The following BPIFB2 variants were observed in gnomAD, a reference collection of about 807,000 sequenced individuals.
BPIFB2 encodes the protein BPI fold containing family B member 2, also known as BPI fold-containing family B member 2.
BPIFB2 carries 39 observed loss-of-function variants against 50.1 expected under a neutral mutation model. The ratio of observed to expected loss-of-function variants is 0.78; its 90% confidence interval spans 0.60 to 1.02. The LOEUF is 1.02. Ranked by LOEUF, BPIFB2 falls within the 50% of genes least tolerant of loss-of-function variation. The pLI is 0.00. For synonymous variants in BPIFB2, 280 were observed against 256.3 expected (o/e 1.09, Z -0.88); for missense variants, 574 against 585.8 (o/e 0.98, Z 0.21).
At chr20:33,019,821 C>G in intron 11 of BPIFB2, 71 bp downstream of exon 11, 2 of 1,449,434 alleles carry the variant, frequency 1.4e-6, no homozygotes, top group Middle Eastern at 1.8e-4. Context: ...TCACTGTCCC[C>G]TCATCTTTGC....
At chr20:33,013,697 G>A in intron 4 of BPIFB2, 113 bp from the exon 5 acceptor site, 2 of 1,455,104 alleles carry the variant, frequency 1.4e-6, no homozygotes, top group African/African-American at 1.4e-5. Flanking sequence ...TGGGGGGCCT[G>A]CCTGGGCCAA....
chr20:33,021,540 C>T (rs945298508), intron 14 of BPIFB2, among the ~76,000 whole-genome samples, 183 bp from the exon 15 acceptor site: 11 of 152,230 alleles, frequency 7.2e-5, no homozygotes, highest in African/African-American at 2.7e-4. Flanking sequence ...CACCAAGCAG[C>T]TGTGTGATCT....
intron 4 of BPIFB2, among the ~76,000 whole-genome samples, chr20:33,013,355 G>C (rs1237413502): frequency 6.6e-6 from 1 of 152,198 alleles, no homozygotes; most frequent in Non-Finnish European, 1.5e-5. Context: ...GAGCTGTGCA[G>C]TCAGAGGGGT....
rs374709566 is a variant in BPIFB2 at position 33,008,632 on chromosome 20, G to A, written c.58G>A (p.Ala20Thr). The change falls in exon 2 of 16, where the codon GCC (alanine) becomes ACC (threonine). Residue 20 changes from alanine to threonine, a missense_variant. Physicochemically the swap from Ala to Thr is moderately conservative, Grantham distance 58. Coordinates refer to ENST00000170150, the MANE Select transcript of BPIFB2 (RefSeq NM_025227.3). ...GGCACTGCTGCTGCCCGTGGTCGGT[G>A]CCTCCACGCCAGGCACCGTGGTCCG... ...LLALLLPVVG[A>T]STPGTVVRLN... is the part of the protein sequence containing the mutation. 9 of 1,607,704 alleles carry A rather than the reference G, an allele frequency of 5.6e-6. No homozygotes were observed. Among genetic ancestry groups the A allele is most frequent in the Non-Finnish European group, 7.6e-6 (9 of 1,177,278 alleles).
At chr20:33,021,452 GA>G in intron 14 of BPIFB2, 108 bp downstream of exon 14, 1 of 1,289,910 alleles carries the variant, frequency 7.8e-7, no homozygotes, top group Non-Finnish European at 1.1e-6. Flanking sequence ...CTCACAGGGT[GA>G]GAGGGGGCCT....
chr20:33,023,644 T>A lies in BPIFB2; in HGVS notation c.*261T>A. The A allele has an allele frequency of 3.5e-6, 2 of 577,334 alleles. No individual in the cohort carries two copies. Among genetic ancestry groups the A allele is most frequent in the East Asian group, 2.9e-5 (1 of 34,008 alleles). 35.8% of individuals were successfully genotyped at this position (577,334 alleles called of 1,614,324 possible). On this transcript the variant is annotated 3_prime_UTR_variant, in exon 16 of 16. Transcript: ENST00000170150. ...TGCCCCACCCCAGCGGGGAGCAGAC[T>A]GCTCCTCCAGGCTGTATAGACCTGC... is the stretch of plus-strand genomic sequence containing the variant.
At chr20:33,010,872 G>A in intron 2 of BPIFB2, 152 bp from the exon 3 acceptor site, 1 of 619,904 alleles carries the variant, frequency 1.6e-6, no homozygotes, top group Non-Finnish European at 2.8e-6. Flanking sequence ...CTCATGGGGA[G>A]TCAGCTGCCC....
At chr20:33,018,961 A>G in intron 9 of BPIFB2, 101 bp from the exon 10 acceptor site, 1 of 1,585,402 alleles carries the variant, frequency 6.3e-7, no homozygotes, top group African/African-American at 1.3e-5. Context: ...TGGAAGGGTT[A>G]AACGGGGGCT....
intron 2 of BPIFB2, among the ~76,000 whole-genome samples, chr20:33,008,937 G>A (rs1990249890): frequency 6.6e-6 from 1 of 152,186 alleles, no homozygotes; most frequent in Non-Finnish European, 1.5e-5. Context: ...ACATGCTTTG[G>A]TGATGTGGGC....
chr20:33,012,389 T>G (rs2146349968), intron 3 of BPIFB2, among the ~76,000 whole-genome samples: 1 of 152,320 alleles, frequency 6.6e-6, no homozygotes, highest in Middle Eastern at 3.4e-3. Context: ...TGGAGAGTGC[T>G]TGGAGCTTTG....
At chr20:33,010,570 A>G (rs950196546) in intron 2 of BPIFB2, among the ~76,000 whole-genome samples, 1 of 152,098 alleles carries the variant, frequency 6.6e-6, no homozygotes, top group African/African-American at 2.4e-5. Flanking sequence ...GAGACTCTTG[A>G]GTCCTCAGCC....
Position 33,013,974 on chromosome 20 carries a change from G to T in BPIFB2, c.455+18G>T. On this transcript the variant is annotated intron_variant, in intron 5 of 15. Coordinates refer to ENST00000170150, the MANE Select transcript of BPIFB2 (RefSeq NM_025227.3). ...AGTAACAGGTGGGTGCCTGGTGAGG[G>T]CAGGGTCACAGGAATCCCAGATGCC... The T allele has an allele frequency of 6.2e-7, 1 of 1,607,012 alleles. No homozygotes were observed. Among genetic ancestry groups the T allele is most frequent in the Non-Finnish European group, 8.5e-7 (1 of 1,174,800 alleles).
At position 33,008,591 on chromosome 20, in the gene BPIFB2, G is replaced by A. The variant is rs1319435629; in HGVS notation, c.17G>A (p.Arg6Lys). MAWAS[R>K]LGLLLALLLP... The stretch of plus-strand genomic sequence containing the variant: ...AGGGCAGCCATGGCTTGGGCAAGTA[G>A]GCTGGGCCTGCTGCTGGCACTGCTG... The change falls in exon 2 of 16, where the codon AGG (arginine) becomes AAG (lysine). Residue 6 changes from arginine to lysine, a missense_variant. Physicochemically the swap from Arg to Lys is conservative, Grantham distance 26. Transcript: ENST00000170150. 1 of 1,600,006 alleles carries A rather than the reference G, an allele frequency of 6.2e-7. No homozygotes were observed. The highest frequency in any genetic ancestry group is 8.5e-7 in the Non-Finnish European group (1 of 1,173,524).
Position 33,023,576 on chromosome 20 carries a change from T to C in BPIFB2, c.*193T>C. On this transcript the variant is annotated 3_prime_UTR_variant, in exon 16 of 16. Coordinates refer to ENST00000170150, the MANE Select transcript of BPIFB2 (RefSeq NM_025227.3). ...TCACTTCTGCCCTTTCCCTTCCTCCTCCTCTTCTCCTCCCTCTTCCCTCAT... is the reference window on the plus strand; with the variant it reads ...TCACTTCTGCCCTTTCCCTTCCTCCCCCTCTTCTCCTCCCTCTTCCCTCAT... The C allele has an allele frequency of 1.5e-6, 1 of 649,254 alleles. No homozygotes were observed. 40.2% of individuals were successfully genotyped at this position (649,254 alleles called of 1,614,324 possible).
chr20:33,011,205 A>C, intron 3 of BPIFB2, 88 bp downstream of exon 3: 1 of 1,296,386 alleles, frequency 7.7e-7, no homozygotes. Context: ...TCCACCGGGC[A>C]TGTGCTCCTG....
intron 3 of BPIFB2, among the ~76,000 whole-genome samples, chr20:33,011,853 C>A (rs755612315): frequency 2.6e-5 from 4 of 152,062 alleles, no homozygotes; most frequent in Non-Finnish European, 4.4e-5. Context: ...GTGGCGTGTG[C>A]CTGTAATCCC....
rs1335028687 is a variant in BPIFB2 at position 33,009,237 on chromosome 20, T to C, written c.109+554T>C. On this transcript the variant is annotated intron_variant, in intron 2 of 15. Transcript: ENST00000170150. The surrounding 1 kb of genome is among the most constrained non-coding windows in gnomAD (Gnocchi z 4.2). ...CAGCGTGAGAGAACCATCCGCTCTC[T>C]GGGTCCCACTTGTGCGAGGGCTCTG... Among the ~76,000 whole-genome samples the C allele has an allele frequency of 1.3e-5, 2 of 152,196 alleles. No individual in the cohort carries two copies. Among genetic ancestry groups the C allele is most frequent in the Non-Finnish European group, 2.9e-5 (2 of 68,034 alleles).
In BPIFB2 at chr20:33,021,178, G is replaced by A. The variant is rs145342940; in HGVS notation, c.1195-103G>A. ...GTGCCTCAGCCTCTGCCATCCATCT[G>A]TTGTCTGTCTGTCTCTGTGTATATT... On this transcript the variant is annotated intron_variant, in intron 13 of 15. Transcript: ENST00000170150. 364 of 1,284,466 alleles carry A rather than the reference G, an allele frequency of 2.8e-4. 2 individuals are homozygous for A. Among genetic ancestry groups the A allele is most frequent in the South Asian group, 3.6e-4 (28 of 78,350 alleles). 79.6% of individuals were successfully genotyped at this position (1,284,466 alleles called of 1,614,324 possible).
intron 2 of BPIFB2, among the ~76,000 whole-genome samples, chr20:33,010,612 G>C (rs927719777): frequency 6.6e-6 from 1 of 152,068 alleles, no homozygotes; most frequent in Non-Finnish European, 1.5e-5. Context: ...CCCTCCCAAG[G>C]GACGTCCCCT....
Sources: gnomAD v4.1 joint callset for allele counts (sites outside exome capture counted in the v4.1 genomes callset) on GRCh38, gnomAD v4.1.1 for gene constraint, Gnocchi (gnomAD v3.1) non-coding constraint, MANE v1.5 for transcripts, NCBI Gene and HGNC (gene_info 2026-07-23, HGNC 2026-07-21) for gene names.